The following STAMBP variants were observed in gnomAD, a reference collection of about 807,000 sequenced individuals.
STAMBP encodes STAM binding protein, also known as STAM-binding protein.
Under a neutral mutation model 50.7 loss-of-function variants are expected in STAMBP, and 31 were observed. The observed-to-expected ratio is 0.61, with a 90% confidence interval of 0.46 to 0.83. STAMBP has a LOEUF of 0.83. Ranked by LOEUF, STAMBP falls within the 40% of genes least tolerant of loss-of-function variation. The pLI, the probability that STAMBP is intolerant of heterozygous loss-of-function variation, is 0.00. For missense variants in STAMBP, 472 were observed against 518.9 expected, an observed-to-expected ratio of 0.91 and a Z score of 0.88; for synonymous variants, 211 against 192.4, an observed-to-expected ratio of 1.10 and a Z score of -0.80.
intron 2 of STAMBP, among the ~76,000 whole-genome samples, chr2:73,842,676 G>A (rs1253099881): frequency 2.0e-5 from 3 of 152,134 alleles, no homozygotes; most frequent in Non-Finnish European, 4.4e-5. Context: ...GGTAAAGTTG[G>A]TTTTGTTATA....
chr2:73,833,493 C>A (rs1017151474), intron 2 of STAMBP, among the ~76,000 whole-genome samples: 15 of 150,766 alleles, frequency 9.9e-5, no homozygotes, highest in African/African-American at 3.7e-4. Flanking sequence ...TTTTTTTGAC[C>A]CTGTCTTCTT....
chr2:73,871,154 G>T (rs1385282501), downstream of STAMBP, among the ~76,000 whole-genome samples: 6 of 152,154 alleles, frequency 3.9e-5, no homozygotes, highest in Non-Finnish European at 8.8e-5. Flanking sequence ...CCACAGTGTT[G>T]TTCTGTAAGC....
intron 5 of STAMBP, among the ~76,000 whole-genome samples, chr2:73,849,137 A>G (rs372274113): frequency 1.3e-5 from 2 of 152,084 alleles, no homozygotes; most frequent in African/African-American, 4.8e-5. Flanking sequence ...AAAGCCTACT[A>G]TTTTCTCTTC....
At chr2:73,854,524 G>A (rs1677299761) in intron 7 of STAMBP, among the ~76,000 whole-genome samples, 2 of 152,094 alleles carry the variant, frequency 1.3e-5, no homozygotes, top group Admixed American at 1.3e-4. Context: ...GAATACAGTG[G>A]CTATTCACAG....
At position 73,853,047 on chromosome 2, in the gene STAMBP, G is replaced by A. The variant is rs112655135; in HGVS notation, c.1005+2534G>A. Among the ~76,000 whole-genome samples, 128 of 151,924 alleles carry A rather than the reference G, an allele frequency of 8.4e-4. 1 individual carries two copies. Among genetic ancestry groups the A allele is most frequent in the Non-Finnish European group, 1.3e-3 (90 of 67,982 alleles). On this transcript the variant is annotated intron_variant, in intron 7 of 9. Coordinates refer to ENST00000394070, the MANE Select transcript of STAMBP (RefSeq NM_213622.4). Reference sequence around the variant, plus strand: ...CTCGTGATTATAGGCATGAGCCACCGCACCCGGCCAAGGAAGGCTTTAAGA... The same window carrying A: ...CTCGTGATTATAGGCATGAGCCACCACACCCGGCCAAGGAAGGCTTTAAGA...
rs1226134506 is a variant in STAMBP, at chr2:73,864,441, T to C, written c.*2182T>C. On this transcript the variant is annotated 3_prime_UTR_variant, in exon 10 of 10. Coordinates refer to ENST00000394070, the MANE Select transcript of STAMBP (RefSeq NM_213622.4). The stretch of plus-strand genomic sequence containing the variant: ...CTAGCCACTGCAGAGGCACTCTGCA[T>C]AGGATGGTCTAAGTGTCTCTGTCTT... 1 of 152,168 alleles carries C rather than the reference T, an allele frequency of 6.6e-6. No homozygotes were observed. The highest frequency in any genetic ancestry group is 1.5e-5 in the Non-Finnish European group (1 of 68,086). 9.4% of individuals were successfully genotyped at this position (152,168 alleles called of 1,614,324 possible).
At chr2:73,836,141 C>T (rs973650340) in intron 2 of STAMBP, among the ~76,000 whole-genome samples, 3 of 152,184 alleles carry the variant, frequency 2.0e-5, no homozygotes, top group Non-Finnish European at 4.4e-5. Context: ...TTGCTACATA[C>T]AAAATTACAG....
At chr2:73,845,053 G>A (rs1573312395) in intron 3 of STAMBP, 114 bp from the exon 4 acceptor site, 2 of 1,545,236 alleles carry the variant, frequency 1.3e-6, no homozygotes, top group East Asian at 4.7e-5. Context: ...TACAGTAGGG[G>A]GTATTTTAAA....
chr2:73,842,430 G>A (rs1374717457), intron 2 of STAMBP, among the ~76,000 whole-genome samples: 1 of 152,224 alleles, frequency 6.6e-6, no homozygotes, highest in South Asian at 2.1e-4. Flanking sequence ...CCTCTCCAGG[G>A]CTGGTTCCCA....
intron 7 of STAMBP, among the ~76,000 whole-genome samples, chr2:73,853,792 G>A (rs533344045): frequency 6.6e-6 from 1 of 152,170 alleles, no homozygotes; most frequent in African/African-American, 2.4e-5. Flanking sequence ...ACACTACCTA[G>A]GTCAGGAAAC....
intron 7 of STAMBP, 58 bp from the exon 8 acceptor site, chr2:73,859,196 A>G (rs1677975992): frequency 1.4e-6 from 2 of 1,387,372 alleles, no homozygotes; most frequent in Non-Finnish European, 2.1e-6. Flanking sequence ...AATCGCAAAT[A>G]AGGAGGGATT....
At position 73,850,892 on chromosome 2, in the gene STAMBP, G is replaced by T. The variant is rs756532880; in HGVS notation, c.1005+379G>T. On this transcript the variant is annotated intron_variant, in intron 7 of 9. Transcript: ENST00000394070. This position sits in a 1 kb window ranked among gnomAD's most constrained non-coding sequence, Gnocchi z 4.3. The stretch of plus-strand genomic sequence containing the variant: ...GTATATAATTCAAAATATTTTAAAT[G>T]AGCCAAGGAGGTTAATTCAGATGCT... Among the ~76,000 whole-genome samples, 40 of 152,242 alleles carry T rather than the reference G, an allele frequency of 2.6e-4. No homozygotes were observed. The highest frequency in any genetic ancestry group is 4.6e-4 in the Admixed American group (7 of 15,298).
Position 73,847,530 on chromosome 2 carries a change from G to A in STAMBP, c.519G>A (p.Glu173=), listed in dbSNP as rs951781425. Residue 173 remains glutamate, a synonymous_variant, in exon 5 of 10, where the codon GAG becomes GAA. Transcript: ENST00000394070. The stretch of plus-strand genomic sequence containing the variant: ...TCGAGGAGATGATCCGGAACCAGGA[G>A]CTAGAAAAAGAGCGACTGAAAATTG... ...HAFEEMIRNQ[E]LEKERLKIVQ... is the part of the protein sequence containing the mutation. 1 of 1,614,064 alleles carries A rather than the reference G, an allele frequency of 6.2e-7. No homozygotes were observed. The highest frequency in any genetic ancestry group is 1.3e-5 in the African/African-American group (1 of 74,948).
At chr2:73,832,390 G>A (rs1674066987) in intron 2 of STAMBP, among the ~76,000 whole-genome samples, 1 of 151,356 alleles carries the variant, frequency 6.6e-6, no homozygotes, top group African/African-American at 2.4e-5. Flanking sequence ...AGGAGGCAGA[G>A]GTTGTAGTGA....
intron 4 of STAMBP, among the ~76,000 whole-genome samples, chr2:73,847,023 A>G (rs1235904805): frequency 6.6e-6 from 1 of 150,620 alleles, no homozygotes; most frequent in Non-Finnish European, 1.5e-5. Context: ...TCAAGGCTGC[A>G]GTGAGCTGTG....
rs367934649 is a variant in STAMBP at position 73,848,540 on chromosome 2, C to G, written c.742+787C>G. Among the ~76,000 whole-genome samples, 35 of 152,304 alleles carry G rather than the reference C, an allele frequency of 2.3e-4. 1 individual carries two copies. In the East Asian group the frequency reaches 5.6e-3, roughly 24 times the overall value. On this transcript the variant is annotated intron_variant, in intron 5 of 9. Coordinates refer to ENST00000394070, the MANE Select transcript of STAMBP (RefSeq NM_213622.4). ...CTTAGTCCATTTTGTGCTGCTATAACAGAATACCTGAGGCTGGATAATTTA... is the reference window on the plus strand; with the variant it reads ...CTTAGTCCATTTTGTGCTGCTATAAGAGAATACCTGAGGCTGGATAATTTA...
At chr2:73,833,534 T>C (rs994493828) in intron 2 of STAMBP, among the ~76,000 whole-genome samples, 2 of 152,218 alleles carry the variant, frequency 1.3e-5, no homozygotes, top group African/African-American at 4.8e-5. Flanking sequence ...AATATTCTTA[T>C]GTATTTCCTA....
At chr2:73,846,021 A>G (rs533552928) in intron 4 of STAMBP, among the ~76,000 whole-genome samples, 159 of 152,296 alleles carry the variant, frequency 1.0e-3, no homozygotes, top group Non-Finnish European at 1.8e-3. Flanking sequence ...CCAGCTGTGA[A>G]TACATACTGC....
chr2:73,839,031 C>G (rs866082399), intron 2 of STAMBP, among the ~76,000 whole-genome samples: 5 of 152,132 alleles, frequency 3.3e-5, no homozygotes, highest in African/African-American at 1.2e-4. Context: ...TTACTACAAC[C>G]GAGGAGAAAA....
Sources: allele counts gnomAD v4.1 joint callset (sites outside exome capture counted in the v4.1 genomes callset), GRCh38; gene constraint gnomAD v4.1.1; non-coding constraint Gnocchi (gnomAD v3.1); transcripts MANE v1.5; gene names NCBI Gene and HGNC (gene_info 2026-07-23, HGNC 2026-07-21).